Variants in ANK1 observed in about 807,000 individuals in gnomAD.
ANK1 encodes ankyrin-1.
ANK1 carries 51 observed loss-of-function variants against 210.4 expected under a neutral mutation model. The observed-to-expected ratio is 0.24, with a 90% confidence interval of 0.19 to 0.31. The LOEUF is 0.31. Among genes scored for constraint, ANK1 ranks in the 10% least tolerant of loss-of-function variants. ANK1 has a pLI of 1.00. For synonymous variants in ANK1, 967 were observed against 1,025.9 expected (o/e 0.94, Z 1.10); for missense variants, 2,051 against 2,504.4 (o/e 0.82, Z 3.86).
chr8:41,764,365 A>G (rs1192343754), intron 1 of ANK1, among the ~76,000 whole-genome samples: 2 of 152,202 alleles, frequency 1.3e-5, no homozygotes. Flanking sequence ...TACATCCAGC[A>G]AATGCAACAG....
At chr8:41,844,331 C>T (rs1304873112) in intron 1 of ANK1, among the ~76,000 whole-genome samples, 3 of 152,178 alleles carry the variant, frequency 2.0e-5, no homozygotes, top group East Asian at 3.8e-4. Context: ...GAGGTGTTGG[C>T]GAATGGGTAG....
At chr8:41,808,286 T>C (rs558725879) in intron 1 of ANK1, among the ~76,000 whole-genome samples, 64 of 152,316 alleles carry the variant, frequency 4.2e-4, no homozygotes, top group African/African-American at 1.5e-3. Context: ...GACAGCTCCT[T>C]GTCTAGAGAA....
Position 41,723,743 on chromosome 8 carries a change from G to A in ANK1, c.712-110C>T, listed in dbSNP as rs527485661. 102 of 826,002 alleles carry A rather than the reference G, an allele frequency of 1.2e-4. No individual in the cohort carries two copies. In the East Asian group the frequency reaches 2.3e-3, roughly 19 times the overall value. The allele number at this position is 826,002 out of a possible 1,614,324, so 51.2% of individuals were successfully genotyped here. On this transcript the variant is annotated intron_variant, in intron 7 of 42. Coordinates refer to ENST00000289734, the MANE Select transcript of ANK1 (RefSeq NM_000037.4). ...CCCCAGTCCCCAGGCCTGCAACAGC[G>A]TTGTCAGGGCATTTCTGGCCTAAGA... is the stretch of plus-strand genomic sequence containing the variant.
chr8:41,774,011 T>C (rs531041268), intron 1 of ANK1, among the ~76,000 whole-genome samples: 1 of 152,362 alleles, frequency 6.6e-6, no homozygotes, highest in African/African-American at 2.4e-5. Context: ...CTTCAGTATC[T>C]GTGTCTCTTT....
At chr8:41,745,016 A>G (rs944470295) in intron 2 of ANK1, among the ~76,000 whole-genome samples, 25 of 152,332 alleles carry the variant, frequency 1.6e-4, no homozygotes, top group Middle Eastern at 3.4e-3. Flanking sequence ...AATGCAAAAT[A>G]TCTTCCTGGA....
intron 16 of ANK1, among the ~76,000 whole-genome samples, chr8:41,712,561 G>C (rs1169905239): frequency 2.0e-5 from 3 of 152,230 alleles, no homozygotes; most frequent in African/African-American, 7.2e-5. Context: ...GGAGAGGGGA[G>C]GGAGGAATGT....
At chr8:41,661,642 C>T (rs764891574) in intron 41 of ANK1, 78 bp from the exon 42 acceptor site, 80 of 1,607,440 alleles carry the variant, frequency 5.0e-5, no homozygotes, top group Non-Finnish European at 6.3e-5. Context: ...CGAAAGGAGG[C>T]CACACGGAGG....
At chr8:41,837,353 ATGG>A (rs775274730) in intron 1 of ANK1, among the ~76,000 whole-genome samples, 1 of 152,132 alleles carries the variant, frequency 6.6e-6, no homozygotes, top group Admixed American at 6.5e-5. Context: ...ATAACGAAAG[ATGG>A]TGTGTTTTTT....
chr8:41,702,987 T>A (rs1004155409), intron 20 of ANK1, among the ~76,000 whole-genome samples: 1 of 117,300 alleles, frequency 8.5e-6, no homozygotes, highest in Admixed American at 7.5e-5. Flanking sequence ...ACTCAGCTAA[T>A]TTTTTTTTTT....
intron 2 of ANK1, among the ~76,000 whole-genome samples, chr8:41,753,204 A>T (rs1408759192): frequency 1.3e-5 from 2 of 151,548 alleles, no homozygotes; most frequent in Non-Finnish European, 2.9e-5. Context: ...AGCTGGAATT[A>T]CAGGTGCCTG....
At chr8:41,823,002 C>T (rs1804739769) in intron 1 of ANK1, among the ~76,000 whole-genome samples, 1 of 152,186 alleles carries the variant, frequency 6.6e-6, no homozygotes, top group South Asian at 2.1e-4. Context: ...GGAAAGCTAA[C>T]GCCTACATGA....
upstream of ANK1, among the ~76,000 whole-genome samples, chr8:41,798,101 G>C (rs1213656441): frequency 6.6e-6 from 1 of 151,970 alleles, no homozygotes; most frequent in East Asian, 2.0e-4. Flanking sequence ...TCGGCCCTGG[G>C]TGCCCCTGGG....
chr8:41,709,803 G>A (rs1825659177), intron 16 of ANK1, among the ~76,000 whole-genome samples: 2 of 152,174 alleles, frequency 1.3e-5, no homozygotes, highest in Non-Finnish European at 2.9e-5. Flanking sequence ...GGGCATGGTG[G>A]TGCATGCTGT....
chr8:41,671,733 A>C (rs926302729), intron 38 of ANK1, among the ~76,000 whole-genome samples: 1 of 145,854 alleles, frequency 6.9e-6, no homozygotes, highest in African/African-American at 2.6e-5. Flanking sequence ...CGATGTCCTA[A>C]GTAAGCCCTC....
In ANK1 at chr8:41,661,463, G is replaced by T; in HGVS notation, c.*3C>A. 1 of 1,614,060 alleles carries T rather than the reference G, an allele frequency of 6.2e-7. No homozygotes were observed. Among genetic ancestry groups the T allele is most frequent in the Non-Finnish European group, 8.5e-7 (1 of 1,180,048 alleles). On this transcript the variant is annotated 3_prime_UTR_variant, in exon 42 of 43. Transcript: ENST00000289734. ...AGGCTACTCCAAGGAGAGCGGCTCG[G>T]GGTCACTGTTTCCCCCTTTTCAGGC...
intron 1 of ANK1, among the ~76,000 whole-genome samples, chr8:41,859,134 C>T (rs1444320699): frequency 1.3e-5 from 2 of 152,228 alleles, no homozygotes; most frequent in Non-Finnish European, 2.9e-5. Context: ...AGGCCCCCCA[C>T]GGGGTCTCTG....
At chr8:41,795,724 T>C (rs1381061165) in intron 1 of ANK1, among the ~76,000 whole-genome samples, 1 of 150,462 alleles carries the variant, frequency 6.6e-6, no homozygotes, top group Non-Finnish European at 1.5e-5. Flanking sequence ...ACCTAGAGAA[T>C]AGAATAATAG....
At chr8:41,718,868 A>C (rs2150642482) in intron 10 of ANK1, among the ~76,000 whole-genome samples, 1 of 152,310 alleles carries the variant, frequency 6.6e-6, no homozygotes, top group African/African-American at 2.4e-5. Context: ...CCTACAACAC[A>C]CAAGACCACA....
chr8:41,670,439 C>T (rs1428805808), intron 38 of ANK1, among the ~76,000 whole-genome samples: 2 of 152,118 alleles, frequency 1.3e-5, no homozygotes, highest in Non-Finnish European at 2.9e-5. Context: ...GGCCAGCATG[C>T]AGCCCCTGCA....
Sources: allele counts gnomAD v4.1 joint callset (sites outside exome capture counted in the v4.1 genomes callset), GRCh38; gene constraint gnomAD v4.1.1; transcripts MANE v1.5; gene names NCBI Gene and HGNC (gene_info 2026-07-23, HGNC 2026-07-21).